The following ATP13A4 variants were observed in gnomAD, a reference collection of about 807,000 sequenced individuals.
ATP13A4 encodes ATPase 13A4.
ATP13A4 carries 114 observed loss-of-function variants against 142.5 expected under a neutral mutation model. That is an observed-to-expected ratio of 0.80 (90% CI 0.69 to 0.93). ATP13A4 has a LOEUF of 0.93. Among genes scored for constraint, ATP13A4 ranks in the 40% least tolerant of loss-of-function variants. The probability of loss-of-function intolerance (pLI) is 0.00; values close to 1 mark genes in which losing one functional copy is unlikely to be tolerated. For synonymous variants in ATP13A4, 488 were observed against 514.8 expected (o/e 0.95, Z 0.70); for missense variants, 1,392 against 1,454.0 (o/e 0.96, Z 0.69).
intron 8 of ATP13A4, among the ~76,000 whole-genome samples, chr3:193,483,245 T>G (rs1001539279): frequency 6.6e-6 from 1 of 152,100 alleles, no homozygotes; most frequent in Admixed American, 6.6e-5. Flanking sequence ...GATAAATGAT[T>G]GCCTGAGGGA....
At chr3:193,568,095 G>A (rs1337928018) in intron 2 of ATP13A4, among the ~76,000 whole-genome samples, 7 of 152,182 alleles carry the variant, frequency 4.6e-5, no homozygotes, top group East Asian at 1.9e-4. Context: ...GAGTAGCTGG[G>A]ATTACAGGCA....
intron 14 of ATP13A4, among the ~76,000 whole-genome samples, chr3:193,458,437 T>C (rs186648157): frequency 6.6e-6 from 1 of 152,320 alleles, no homozygotes; most frequent in Admixed American, 6.5e-5. Flanking sequence ...CATTTTATGG[T>C]CATGAGAGCC....
At chr3:193,532,075 AT>A in intron 1 of ATP13A4, among the ~76,000 whole-genome samples, 1 of 152,170 alleles carries the variant, frequency 6.6e-6, no homozygotes, top group South Asian at 2.1e-4. Flanking sequence ...TTAAAAGCAG[AT>A]TCCAGAGTCA....
intron 1 of ATP13A4, among the ~76,000 whole-genome samples, chr3:193,589,534 C>T (rs1324553868): frequency 1.3e-5 from 2 of 152,044 alleles, no homozygotes; most frequent in Non-Finnish European, 2.9e-5. Flanking sequence ...ATTTCTGATT[C>T]GTTGGATAAT....
At chr3:193,525,710 C>T (rs1173964141) in intron 1 of ATP13A4, among the ~76,000 whole-genome samples, 1 of 152,202 alleles carries the variant, frequency 6.6e-6, no homozygotes, top group Non-Finnish European at 1.5e-5. Flanking sequence ...GTTCCCTCCT[C>T]ATCACCCCAC....
chr3:193,406,234 G>T (rs1714483905), intron 29 of ATP13A4, among the ~76,000 whole-genome samples: 1 of 152,146 alleles, frequency 6.6e-6, no homozygotes, highest in Non-Finnish European at 1.5e-5. Context: ...AGAAGTTCCA[G>T]TACTGAAATT....
chr3:193,502,614 T>C lies in ATP13A4; in HGVS notation c.260A>G (p.Lys87Arg). The C allele has an allele frequency of 6.2e-7, 1 of 1,614,090 alleles. No individual in the cohort carries two copies. Among genetic ancestry groups the C allele is most frequent in the Non-Finnish European group, 8.5e-7 (1 of 1,179,950 alleles). The change falls in exon 3 of 30, where the codon AAA (lysine) becomes AGA (arginine). Residue 87 changes from lysine to arginine, a missense_variant. Physicochemically the swap from Lys to Arg is conservative, Grantham distance 26. Transcript: ENST00000342695. ...TGACAGGTAGATCCATATTACCTTTTTCCAAGAGTAAATTTGGAATTCATC... is the reference window on the plus strand; with the variant it reads ...TGACAGGTAGATCCATATTACCTTTCTCCAAGAGTAAATTTGGAATTCATC... Reference protein sequence around the residue: ...TTDEFQIYSWKKVIWIYLSAL... With the variant: ...TTDEFQIYSWRKVIWIYLSAL...
At chr3:193,561,123 C>T (rs1220623659) in intron 2 of ATP13A4, among the ~76,000 whole-genome samples, 1 of 152,226 alleles carries the variant, frequency 6.6e-6, no homozygotes. Context: ...ACAGTAGTAC[C>T]CACAGGGGAC....
chr3:193,579,888 C>T (rs1334991269), intron 2 of ATP13A4, among the ~76,000 whole-genome samples: 1 of 152,180 alleles, frequency 6.6e-6, no homozygotes, highest in African/African-American at 2.4e-5. Context: ...TAATGAGATA[C>T]ACATATTAGC....
At chr3:193,536,355 A>T (rs897547623) in intron 1 of ATP13A4, among the ~76,000 whole-genome samples, 2 of 152,068 alleles carry the variant, frequency 1.3e-5, no homozygotes, top group African/African-American at 2.4e-5. Context: ...AAAATTAATC[A>T]TCATTGATTT....
At chr3:193,510,553 T>G (rs1721088630) in intron 2 of ATP13A4, among the ~76,000 whole-genome samples, 1 of 152,204 alleles carries the variant, frequency 6.6e-6, no homozygotes, top group East Asian at 1.9e-4. Context: ...CTACTGATAT[T>G]GGTTAAAAAT....
chr3:193,441,021 A>C (rs929023716), intron 20 of ATP13A4, among the ~76,000 whole-genome samples: 14 of 151,738 alleles, frequency 9.2e-5, no homozygotes, highest in African/African-American at 1.7e-4. Flanking sequence ...CTCTCTCTAT[A>C]TATATATATC....
chr3:193,544,559 A>C lies in ATP13A4; in HGVS notation c.60+10181T>G, dbSNP rs563669079. On this transcript the variant is annotated intron_variant, in intron 1 of 29. Coordinates refer to ENST00000342695, the MANE Select transcript of ATP13A4 (RefSeq NM_032279.4). ...CCACTGGGAGAGAAACAGGAGCACA[A>C]AGAGAGACCACTTCTACAATACAGG... 2.6e-5 allele frequency among the ~76,000 whole-genome samples: 4 copies of C among 152,326 alleles called. No individual in the cohort carries two copies. The East Asian group carries it at 7.7e-4, about 29-fold the overall frequency.
rs947714761 is a variant in ATP13A4 at position 193,514,931 on chromosome 3, A to G, written c.61-60T>C. The stretch of plus-strand genomic sequence containing the variant: ...TAAGCACAATAAACAATAAATGAAC[A>G]AATACTGATTTTAGTGATGGAAATG... On this transcript the variant is annotated intron_variant, in intron 1 of 29. Transcript: ENST00000342695. The G allele has an allele frequency of 3.8e-6, 6 of 1,568,530 alleles. No individual in the cohort carries two copies. In the African/African-American group the frequency reaches 8.1e-5, roughly 21 times the overall value.
chr3:193,559,933 T>A (rs139970942), upstream of ATP13A4, among the ~76,000 whole-genome samples: 5 of 152,324 alleles, frequency 3.3e-5, no homozygotes, highest in East Asian at 9.6e-4. Context: ...CCAAAAGAGA[T>A]GGTCCCCAGG....
chr3:193,415,196 C>T (rs1714991173), intron 25 of ATP13A4, among the ~76,000 whole-genome samples: 1 of 152,162 alleles, frequency 6.6e-6, no homozygotes, highest in East Asian at 1.9e-4. Context: ...TTCATTATGG[C>T]ATCATTTACA....
intron 5 of ATP13A4, among the ~76,000 whole-genome samples, chr3:193,491,734 T>A (rs1719955906): frequency 1.3e-5 from 2 of 152,162 alleles, no homozygotes; most frequent in South Asian, 4.1e-4. Flanking sequence ...CTCTCCTCAA[T>A]TCCGGTTTTA....
intron 1 of ATP13A4, among the ~76,000 whole-genome samples, chr3:193,546,648 G>T (rs1251623032): frequency 6.6e-6 from 1 of 152,178 alleles, no homozygotes; most frequent in Non-Finnish European, 1.5e-5. Context: ...GCCTCCTGAT[G>T]TTGTGTTTCT....
intron 22 of ATP13A4, among the ~76,000 whole-genome samples, 173 bp downstream of exon 22, chr3:193,438,850 A>G (rs901929200): frequency 3.3e-5 from 5 of 152,208 alleles, no homozygotes; most frequent in Admixed American, 6.5e-5. Context: ...CTCCCAATGC[A>G]ACAGTTTATC....
Sources: gnomAD v4.1 joint callset for allele counts (sites outside exome capture counted in the v4.1 genomes callset) on GRCh38, gnomAD v4.1.1 for gene constraint, MANE v1.5 for transcripts, NCBI Gene and HGNC (gene_info 2026-07-23, HGNC 2026-07-21) for gene names.